SLC2A9: variants seen among roughly 807,000 people sequenced by gnomAD.
SLC2A9 encodes solute carrier family 2 member 9.
In SLC2A9, 39 loss-of-function variants were observed where a neutral mutation model predicts 50.6. The ratio of observed to expected loss-of-function variants is 0.77; its 90% CI spans 0.60 to 1.01. The LOEUF (loss-of-function observed/expected upper bound fraction) is 1.01, where lower values mean the gene tolerates loss of function less well. Ranked by LOEUF, SLC2A9 falls within the 50% of genes least tolerant of loss-of-function variation. The probability of loss-of-function intolerance (pLI) is 0.00; values close to 1 mark genes in which losing one functional copy is unlikely to be tolerated. For missense variants in SLC2A9, 686 were observed against 677.6 expected, an observed-to-expected ratio of 1.01 and a Z score of -0.14; for synonymous variants, 324 against 276.9, an observed-to-expected ratio of 1.17 and a Z score of -1.69.
intron 11 of SLC2A9, among the ~76,000 whole-genome samples, chr4:9,830,742 C>T (rs531540155): frequency 2.0e-5 from 3 of 152,316 alleles, no homozygotes; most frequent in Non-Finnish European, 2.9e-5. Context: ...AATATTGGCA[C>T]TCCACACTGG....
At chr4:9,826,115 C>A (rs990282691), downstream of SLC2A9, 1 of 415,674 alleles carries the variant, frequency 2.4e-6, no homozygotes, top group African/African-American at 2.0e-5. Flanking sequence ...GGCAGGTCAT[C>A]TACCTATATA....
intron 10 of SLC2A9, among the ~76,000 whole-genome samples, chr4:9,875,284 CTCTG>C (rs1425105167): frequency 9.1e-4 from 121 of 133,284 alleles, no homozygotes; most frequent in Non-Finnish European, 1.4e-3. Context: ...ATAGGTTACT[CTCTG>C]TCTAAGATGG....
intron 7 of SLC2A9, among the ~76,000 whole-genome samples, chr4:9,916,864 C>T (rs908130218): frequency 1.3e-5 from 2 of 152,204 alleles, no homozygotes; most frequent in African/African-American, 2.4e-5. Context: ...TATCTCCTGC[C>T]CTCACCTCCT....
intron 6 of SLC2A9, among the ~76,000 whole-genome samples, chr4:9,940,490 C>T (rs1490269702): frequency 2.6e-5 from 4 of 152,170 alleles, no homozygotes; most frequent in African/African-American, 7.2e-5. Flanking sequence ...GCTCAAGTCC[C>T]AGGTCTATCA....
upstream of SLC2A9, among the ~76,000 whole-genome samples, chr4:10,025,500 C>G (rs925977846): frequency 6.6e-6 from 1 of 152,106 alleles, no homozygotes; most frequent in African/African-American, 2.4e-5. Context: ...GAAAGTCATT[C>G]TATTAATAGG....
intron 8 of SLC2A9, among the ~76,000 whole-genome samples, chr4:9,902,269 T>C (rs975756084): frequency 1.3e-5 from 2 of 152,224 alleles, no homozygotes; most frequent in African/African-American, 4.8e-5. Flanking sequence ...TGTGACCCCA[T>C]GAGGAGCTCT....
Position 9,963,652 on chromosome 4 carries a change from C to T in SLC2A9, c.681+16940G>A, listed in dbSNP as rs192513929. Among the ~76,000 whole-genome samples, 36 of 152,204 alleles carry T rather than the reference C, an allele frequency of 2.4e-4. No homozygotes were observed. The East Asian group carries it at 6.6e-3, about 28-fold the overall frequency. On this transcript the variant is annotated intron_variant, in intron 5 of 11. Transcript: ENST00000264784. The stretch of plus-strand genomic sequence containing the variant: ...GAGGGCCTCTCAAGAGGCCCCTGCT[C>T]GCTGGGTTTTGCAGGATGACAACAG...
chr4:9,773,588 A>C (rs1717129542), intron 1 of SLC2A9, among the ~76,000 whole-genome samples: 1 of 152,242 alleles, frequency 6.6e-6, no homozygotes, highest in Non-Finnish European at 1.5e-5. Context: ...CTCTTAGCAC[A>C]ATTTTGCAGG....
At chr4:9,802,860 G>T (rs777092291) in intron 3 of SLC2A9, among the ~76,000 whole-genome samples, 3 of 152,148 alleles carry the variant, frequency 2.0e-5, no homozygotes, top group African/African-American at 2.4e-5. Context: ...CACAGCGCCC[G>T]GCTGGGTAAA....
intron 1 of SLC2A9, among the ~76,000 whole-genome samples, chr4:10,037,843 C>T (rs1427088503): frequency 6.6e-6 from 1 of 152,000 alleles, no homozygotes; most frequent in Non-Finnish European, 1.5e-5. Context: ...CTCAGCTACT[C>T]GGGAGGCTGA....
intron 10 of SLC2A9, among the ~76,000 whole-genome samples, chr4:9,867,951 C>G (rs372798042): frequency 1.4e-4 from 21 of 152,280 alleles, no homozygotes; most frequent in African/African-American, 4.1e-4. Context: ...AATGCACTGC[C>G]CAGACACACT....
chr4:9,989,608 G>A (rs962253645), intron 3 of SLC2A9, among the ~76,000 whole-genome samples: 1 of 151,816 alleles, frequency 6.6e-6, no homozygotes, highest in South Asian at 2.1e-4. Context: ...TCTCACCTGC[G>A]CTATTGCAAG....
intron 7 of SLC2A9, among the ~76,000 whole-genome samples, chr4:9,913,176 A>G (rs1470318165): frequency 6.6e-6 from 1 of 152,222 alleles, no homozygotes; most frequent in Admixed American, 6.5e-5. Context: ...TTAAGCCACC[A>G]TGTGGGTGGG....
chr4:9,897,180 C>T (rs1738711280), intron 8 of SLC2A9, among the ~76,000 whole-genome samples: 1 of 152,142 alleles, frequency 6.6e-6, no homozygotes, highest in South Asian at 2.1e-4. Flanking sequence ...GTTCTACTTC[C>T]TCTCCCCAGT....
intron 3 of SLC2A9, among the ~76,000 whole-genome samples, chr4:9,988,781 A>AG (rs1247306643): frequency 6.6e-6 from 1 of 152,224 alleles, no homozygotes; most frequent in Non-Finnish European, 1.5e-5. Flanking sequence ...GAAGCATGGT[A>AG]GGGTGATGAG....
intron 3 of SLC2A9, among the ~76,000 whole-genome samples, chr4:9,802,678 C>T (rs1023141936): frequency 1.3e-5 from 2 of 151,240 alleles, no homozygotes; most frequent in African/African-American, 2.4e-5. Context: ...TCTGCCTCAG[C>T]CTCCCAAGTA....
At chr4:9,801,577 G>A (rs1173272439) in intron 3 of SLC2A9, among the ~76,000 whole-genome samples, 1 of 152,202 alleles carries the variant, frequency 6.6e-6, no homozygotes, top group Non-Finnish European at 1.5e-5. Flanking sequence ...CGTTGAGGGT[G>A]GTTCTCGCAG....
chr4:9,823,798 G>GA (rs542525936), downstream of SLC2A9, among the ~76,000 whole-genome samples: 33 of 152,244 alleles, frequency 2.2e-4, no homozygotes, highest in Admixed American at 8.5e-4. Flanking sequence ...ATACAAAGTG[G>GA]AAAAAATAGA....
At chr4:9,916,366 C>G (rs1035409396) in intron 7 of SLC2A9, among the ~76,000 whole-genome samples, 82 of 152,228 alleles carry the variant, frequency 5.4e-4, no homozygotes, top group Admixed American at 5.4e-3. Flanking sequence ...ACAGCTGGCA[C>G]TCTGATCCTC....
Sources: gnomAD v4.1 joint callset for allele counts (sites outside exome capture counted in the v4.1 genomes callset) on GRCh38, gnomAD v4.1.1 for gene constraint, MANE v1.5 for transcripts, NCBI Gene and HGNC (gene_info 2026-07-23, HGNC 2026-07-21) for gene names.